The following VWA2 variants were observed in gnomAD, a reference collection of about 807,000 sequenced individuals.
VWA2 encodes von Willebrand factor A domain-containing protein 2.
A neutral mutation model predicts 70.4 loss-of-function variants in VWA2; 73 were observed. The observed-to-expected ratio is 1.04, with a 90% CI of 0.86 to 1.26. The LOEUF (loss-of-function observed/expected upper bound fraction) is 1.26. Among genes scored for constraint, VWA2 ranks in the 50% most tolerant of loss-of-function variants. The pLI, the probability that VWA2 is intolerant of heterozygous loss-of-function variation, is 0.00. For synonymous variants in VWA2, 407 were observed against 423.3 expected (o/e 0.96, Z 0.47); for missense variants, 1,011 against 998.5 (o/e 1.01, Z -0.17).
At chr10:114,282,850 G>T (rs530386448) in intron 9 of VWA2, among the ~76,000 whole-genome samples, 68 of 152,298 alleles carry the variant, frequency 4.5e-4, no homozygotes, top group African/African-American at 1.6e-3. Context: ...CAGCTTTGCA[G>T]ACATCCTCAA....
intron 4 of VWA2, among the ~76,000 whole-genome samples, chr10:114,258,798 T>C (rs1345383479): frequency 6.6e-6 from 1 of 152,230 alleles, no homozygotes; most frequent in African/African-American, 2.4e-5. Flanking sequence ...TATGAATAAA[T>C]ATTCTTCTTT....
At chr10:114,244,178 G>A (rs2037022803) in intron 1 of VWA2, among the ~76,000 whole-genome samples, 1 of 152,182 alleles carries the variant, frequency 6.6e-6, no homozygotes, top group African/African-American at 2.4e-5. Flanking sequence ...GAGAGCTGCT[G>A]GCAGGTATTA....
chr10:114,246,505 CAAAAAAA>C, intron 1 of VWA2: 11 of 382,532 alleles, frequency 2.9e-5, no homozygotes, highest in African/African-American at 4.8e-5. Context: ...AACTCCATCT[CAAAAAAA>C]AAAAAAAAAA....
intron 5 of VWA2, among the ~76,000 whole-genome samples, chr10:114,263,982 A>G (rs2037504616): frequency 6.6e-6 from 1 of 152,256 alleles, no homozygotes; most frequent in Non-Finnish European, 1.5e-5. Context: ...AGCCACTACG[A>G]TGGCTCAGAG....
At chr10:114,253,085 C>T (rs940841696) in intron 2 of VWA2, among the ~76,000 whole-genome samples, 2 of 150,044 alleles carry the variant, frequency 1.3e-5, no homozygotes, top group African/African-American at 4.9e-5. Context: ...TTCCAAATGT[C>T]CCTTCTGGGG....
chr10:114,244,845 C>A (rs2037037347), intron 1 of VWA2, among the ~76,000 whole-genome samples: 1 of 152,158 alleles, frequency 6.6e-6, no homozygotes, highest in Admixed American at 6.5e-5. Context: ...GCAATGATGC[C>A]CTGAAAGGGT....
chr10:114,252,399 T>C (rs531573154), intron 2 of VWA2, among the ~76,000 whole-genome samples: 1 of 152,000 alleles, frequency 6.6e-6, no homozygotes, highest in African/African-American at 2.4e-5. Flanking sequence ...AAAGATATGG[T>C]ATGGGGAGAG....
intron 5 of VWA2, 83 bp from the exon 6 acceptor site, chr10:114,272,657 C>G: frequency 2.4e-6 from 3 of 1,254,860 alleles, no homozygotes; most frequent in Non-Finnish European, 3.3e-6. Context: ...AACGGAAGAG[C>G]TCATCGATTT....
intron 6 of VWA2, among the ~76,000 whole-genome samples, chr10:114,276,303 G>A (rs531234682): frequency 1.3e-5 from 2 of 152,208 alleles, no homozygotes; most frequent in African/African-American, 2.4e-5. Flanking sequence ...CAGTATCTTC[G>A]TCACCTGGGA....
At chr10:114,261,339 G>A in intron 5 of VWA2, 44 bp downstream of exon 5, 3 of 1,546,584 alleles carry the variant, frequency 1.9e-6, no homozygotes, top group Non-Finnish European at 2.7e-6. Context: ...GACGCCAACT[G>A]CTCTTAAAAT....
At chr10:114,282,634 A>G in intron 9 of VWA2, 63 bp downstream of exon 9, 1 of 1,479,866 alleles carries the variant, frequency 6.8e-7, no homozygotes, top group Non-Finnish European at 9.5e-7. Context: ...TGCTTTGTAA[A>G]GTGGCTTTTA....
At chr10:114,255,142 G>A in intron 4 of VWA2, 94 bp downstream of exon 4, 1 of 1,519,362 alleles carries the variant, frequency 6.6e-7, no homozygotes, top group East Asian at 2.3e-5. Flanking sequence ...CTACTCGCTT[G>A]TGGAGCTGGG....
intron 6 of VWA2, among the ~76,000 whole-genome samples, chr10:114,274,659 C>CTT (rs561447449): frequency 1.4e-5 from 2 of 144,254 alleles, no homozygotes; most frequent in Non-Finnish European, 1.5e-5. Flanking sequence ...CACCTGGCTA[C>CTT]TTTTTTTTTT....
At chr10:114,265,538 A>G (rs1308739987) in intron 5 of VWA2, among the ~76,000 whole-genome samples, 3 of 152,210 alleles carry the variant, frequency 2.0e-5, no homozygotes, top group African/African-American at 7.2e-5. Flanking sequence ...CCTGGCCAGG[A>G]TCAGTGGGTT....
rs1350783199 is a variant in VWA2, at chr10:114,292,513, GTTAT to G, written c.*1282_*1285del. The stretch of plus-strand genomic sequence containing the variant: ...TAAAGAAATATTTCAAGAAATGTTG[GTTAT>G]TTATTAAACAGGGATATTTGTACCT... On this transcript the variant is annotated 3_prime_UTR_variant, in exon 14 of 14. Transcript: ENST00000392982. Among the ~76,000 whole-genome samples the G allele has an allele frequency of 6.6e-6, 1 of 150,806 alleles. No homozygotes were observed. Among genetic ancestry groups the G allele is most frequent in the African/African-American group, 2.4e-5 (1 of 40,902 alleles).
intron 9 of VWA2, among the ~76,000 whole-genome samples, chr10:114,283,792 C>T (rs2038507605): frequency 6.6e-6 from 1 of 152,252 alleles, no homozygotes; most frequent in Non-Finnish European, 1.5e-5. Context: ...AGTGAGCCCC[C>T]AGCTATTTCC....
chr10:114,290,427 C>G, intron 13 of VWA2, 62 bp downstream of exon 13: 1 of 1,536,262 alleles, frequency 6.5e-7, no homozygotes, highest in Non-Finnish European at 8.8e-7. Context: ...CCTGCCAAGT[C>G]CCACAAACTC....
In VWA2 at chr10:114,291,230, G is replaced by A. The variant is rs1325786731; in HGVS notation, c.2261G>A (p.Arg754His). The A allele has an allele frequency of 7.7e-6, 12 of 1,550,384 alleles. No individual in the cohort carries two copies. Among genetic ancestry groups the A allele is most frequent in the African/African-American group, 1.4e-5 (1 of 73,124 alleles). Residue 754 changes from arginine (R) to histidine (H), a missense_variant, in exon 14 of 14, where the codon CGC becomes CAC. Transcript: ENST00000392982. ...CTTCCTTCCCCAGGATTCTTGAGACGCCCCTGAGGCACATGGCTCCCGTGC... is the reference window on the plus strand; with the variant it reads ...CTTCCTTCCCCAGGATTCTTGAGACACCCCTGAGGCACATGGCTCCCGTGC... Reference protein sequence around the residue: ...GPHCENRFLRRP With the variant: ...GPHCENRFLRHP
Position 114,286,207 on chromosome 10 carries a change from G to A in VWA2, c.1266G>A (p.Thr422=), listed in dbSNP as rs760044764. 32 of 1,613,812 alleles carry A rather than the reference G, an allele frequency of 2.0e-5. No homozygotes were observed. Among genetic ancestry groups the A allele is most frequent in the Admixed American group, 5.0e-5 (3 of 60,008 alleles). Residue 422 remains threonine, a synonymous_variant, in exon 11 of 14, where the codon ACG becomes ACA. Coordinates refer to ENST00000392982, the MANE Select transcript of VWA2 (RefSeq NM_001272046.2). ...CCTTCCGTGGTGGCCCCACCCTGAC[G>A]GGCAGTGCCTTGCGGCAGGCGGCAG... The part of the protein sequence containing the change: ...GIPFRGGPTL[T]GSALRQAAER...
Sources: allele counts gnomAD v4.1 joint callset (sites outside exome capture counted in the v4.1 genomes callset), GRCh38; gene constraint gnomAD v4.1.1; transcripts MANE v1.5; gene names NCBI Gene and HGNC (gene_info 2026-07-23, HGNC 2026-07-21).